Variants in ZNF274 observed in about 807,000 individuals in gnomAD.
The protein encoded by ZNF274 is zinc finger protein 274.
Under a neutral mutation model 42.5 loss-of-function variants are expected in ZNF274, and 23 were observed. That is an observed-to-expected ratio of 0.54 (90% CI 0.39 to 0.77). The LOEUF (loss-of-function observed/expected upper bound fraction) is 0.77. Among genes scored for constraint, ZNF274 ranks in the 30% least tolerant of loss-of-function variants. ZNF274 has a pLI of 0.00. For missense variants in ZNF274, 679 were observed against 806.5 expected (o/e 0.84, Z 1.91); for synonymous variants, 292 against 305.4 (o/e 0.96, Z 0.46).
intron 4 of ZNF274, among the ~76,000 whole-genome samples, chr19:58,205,603 G>A (rs2146239117): frequency 6.6e-6 from 1 of 152,304 alleles, no homozygotes; most frequent in South Asian, 2.1e-4. Flanking sequence ...CCAAAGTGCA[G>A]GGATCACAGG....
At chr19:58,210,587 G>A (rs966678580) in intron 6 of ZNF274, 1 of 152,586 alleles carries the variant, frequency 6.6e-6, no homozygotes, top group Non-Finnish European at 1.5e-5. Context: ...ACTGGCTCAA[G>A]CGTAGAAGTC....
intron 4 of ZNF274, among the ~76,000 whole-genome samples, chr19:58,191,416 C>T (rs2075777795): frequency 6.6e-6 from 1 of 152,198 alleles, no homozygotes; most frequent in African/African-American, 2.4e-5. Flanking sequence ...GTATTATAGG[C>T]GTGAGCCACT....
At position 58,185,712 on chromosome 19, in the gene ZNF274, G is replaced by T; in HGVS notation, c.34G>T (p.Glu12Ter). 1.4e-6 allele frequency: 2 copies of T among 1,438,264 alleles called. No individual in the cohort carries two copies. Among genetic ancestry groups the T allele is most frequent in the South Asian group, 1.6e-5 (1 of 62,570 alleles). The allele number at this position is 1,438,264 out of a possible 1,614,324, so 89.1% of individuals were successfully genotyped here. Residue 12 changes from glutamate to a stop codon, truncating the protein, a stop_gained and splice_region_variant, in exon 3 of 8, where the codon GAA becomes TAA. Coordinates refer to ENST00000617501, the MANE Select transcript of ZNF274 (RefSeq NM_133502.3). LOFTEE classifies it high-confidence loss of function. ...GCTGAACAAGAATCTGGATTTTTAG[G>T]AACCAGTGACCTTTGAAGATGTAAC... The part of the protein sequence containing the change: ...ASRLPTAWSC[E>*]PVTFEDVTLG...
At chr19:58,195,726 G>A (rs1230190791) in intron 4 of ZNF274, among the ~76,000 whole-genome samples, 1 of 152,154 alleles carries the variant, frequency 6.6e-6, no homozygotes, top group Non-Finnish European at 1.5e-5. Flanking sequence ...TTGGGGTGGG[G>A]AGGGATAGTT....
intron 4 of ZNF274, among the ~76,000 whole-genome samples, chr19:58,188,626 T>A (rs1336137649): frequency 1.6e-4 from 7 of 43,348 alleles, no homozygotes; most frequent in East Asian, 1.0e-3. Context: ...AAAAAATATA[T>A]ATATATATAT....
chr19:58,199,365 A>T (rs1397289733), intron 4 of ZNF274, among the ~76,000 whole-genome samples: 6 of 132,416 alleles, frequency 4.5e-5, no homozygotes, highest in Admixed American at 7.5e-5. Context: ...GACTCTGTCT[A>T]AAAAAAAAAA....
rs1312619358 is a variant in ZNF274, at chr19:58,212,566, A to G, written c.1385A>G (p.His462Arg). 6 of 1,614,078 alleles carry G rather than the reference A, an allele frequency of 3.7e-6. No homozygotes were observed. Among genetic ancestry groups the G allele is most frequent in the Non-Finnish European group, 3.4e-6 (4 of 1,179,910 alleles). The change falls in exon 8 of 8, where the codon CAT (histidine) becomes CGT (arginine). Residue 462 changes from histidine to arginine, a missense_variant. His to Arg is a conservative substitution (Grantham distance 29, BLOSUM62 0). Coordinates refer to ENST00000617501, the MANE Select transcript of ZNF274 (RefSeq NM_133502.3). This position sits in a 1 kb window ranked among gnomAD's most constrained non-coding sequence, Gnocchi z 4.6. ...KRDSQVKSMK[H>R]NSRVKIHQKS... ...GACTCACAAGTTAAAAGTATGAAAC[A>G]TAATTCACGTGTAAAAATTCATCAG...
chr19:58,213,251 G>A lies in ZNF274; in HGVS notation c.*108G>A. On this transcript the variant is annotated 3_prime_UTR_variant, in exon 8 of 8. Coordinates refer to ENST00000617501, the MANE Select transcript of ZNF274 (RefSeq NM_133502.3). ...TGAATGTGAAAGGGAAGTATTGAGT[G>A]AGGACATTCCCAAAACCAAAGGACA... The A allele has an allele frequency of 1.4e-6, 2 of 1,431,876 alleles. No homozygotes were observed. The highest frequency in any genetic ancestry group is 1.8e-6 in the Non-Finnish European group (2 of 1,082,538). 88.7% of individuals were successfully genotyped at this position (1,431,876 alleles called of 1,614,324 possible).
intron 4 of ZNF274, among the ~76,000 whole-genome samples, chr19:58,193,215 C>T (rs927599767): frequency 1.3e-4 from 19 of 151,148 alleles, no homozygotes; most frequent in Admixed American, 7.3e-4. Flanking sequence ...GGCACAATCT[C>T]GGCTCACTGC....
intron 5 of ZNF274, 162 bp from the exon 6 acceptor site, chr19:58,209,799 G>T (rs1962637934): frequency 1.8e-6 from 1 of 564,694 alleles, no homozygotes; most frequent in Non-Finnish European, 3.2e-6. Context: ...GTGCTGTGAG[G>T]GGAGCAGAGC....
At chr19:58,184,029 C>G (rs1434986160) in intron 2 of ZNF274, 31 bp downstream of exon 2, 1 of 1,580,054 alleles carries the variant, frequency 6.3e-7, no homozygotes, top group Non-Finnish European at 8.6e-7. Context: ...GCTTTTGAGT[C>G]CGCTACTGCA....
At chr19:58,205,494 C>T (rs1361746433) in intron 4 of ZNF274, among the ~76,000 whole-genome samples, 1 of 152,134 alleles carries the variant, frequency 6.6e-6, no homozygotes, top group African/African-American at 2.4e-5. Flanking sequence ...TATGCCATCA[C>T]ACCTGATTAA....
At position 58,201,660 on chromosome 19, in the gene ZNF274, G is replaced by A. The variant is rs1309501805; in HGVS notation, c.257-5060G>A. On this transcript the variant is annotated intron_variant, in intron 4 of 7. Transcript: ENST00000617501. ...GCCTCCCAGGTAGCTGGGACTACAG[G>A]TGCCCGCCACCTCGCCTAGCTAACT... Among the ~76,000 whole-genome samples the A allele has an allele frequency of 5.9e-5, 9 of 152,078 alleles. No individual in the cohort carries two copies. The East Asian group carries it at 1.2e-3, about 20-fold the overall frequency.
chr19:58,187,803 G>T (rs562979269), intron 4 of ZNF274, among the ~76,000 whole-genome samples: 2 of 152,276 alleles, frequency 1.3e-5, no homozygotes, highest in African/African-American at 4.8e-5. Context: ...TCAGCTCCCT[G>T]CAACCTCCGC....
chr19:58,187,428 GCTT>G (rs920224903), intron 4 of ZNF274, among the ~76,000 whole-genome samples: 4 of 152,250 alleles, frequency 2.6e-5, no homozygotes, highest in African/African-American at 9.6e-5. Flanking sequence ...AGACAAGTCA[GCTT>G]CTTTTTGTTT....
At chr19:58,196,633 T>C (rs2075846292) in intron 4 of ZNF274, among the ~76,000 whole-genome samples, 1 of 152,070 alleles carries the variant, frequency 6.6e-6, no homozygotes, top group Non-Finnish European at 1.5e-5. Context: ...TTTGATGAGG[T>C]GAGTGTTTTA....
At chr19:58,185,119 CA>C (rs1022893084) in intron 2 of ZNF274, among the ~76,000 whole-genome samples, 36 of 119,854 alleles carry the variant, frequency 3.0e-4, no homozygotes, top group African/African-American at 8.4e-4. Flanking sequence ...GACTCCGTCT[CA>C]AAAAAAAAAG....
Position 58,213,210 on chromosome 19 carries a change from G to C in ZNF274, c.*67G>C, listed in dbSNP as rs1600162879. 3 of 1,524,990 alleles carry C rather than the reference G, an allele frequency of 2.0e-6. No homozygotes were observed. The African/African-American group carries it at 4.2e-5, about 21-fold the overall frequency. The allele number at this position is 1,524,990 out of a possible 1,614,324, so 94.5% of individuals were successfully genotyped here. ...CCTGCAATATAACATGCACAGGCCT[G>C]CTTGTGAATCAGGACTGAATGTGAA... On this transcript the variant is annotated 3_prime_UTR_variant, in exon 8 of 8. Coordinates refer to ENST00000617501, the MANE Select transcript of ZNF274 (RefSeq NM_133502.3).
At chr19:58,203,661 G>C (rs1277099549) in intron 4 of ZNF274, among the ~76,000 whole-genome samples, 2 of 152,110 alleles carry the variant, frequency 1.3e-5, no homozygotes, top group Admixed American at 1.3e-4. Flanking sequence ...AAAGTTACTT[G>C]GGGCGAAGTA....
Sources: gnomAD v4.1 joint callset for allele counts (sites outside exome capture counted in the v4.1 genomes callset) on GRCh38, gnomAD v4.1.1 for gene constraint, Gnocchi (gnomAD v3.1) non-coding constraint, MANE v1.5 for transcripts, NCBI Gene and HGNC (gene_info 2026-07-23, HGNC 2026-07-21) for gene names.